Variants in KSR2 observed in about 807,000 individuals in gnomAD.
KSR2 encodes the protein kinase suppressor of ras 2.
A neutral mutation model predicts 107.8 loss-of-function variants in KSR2; 25 were observed. That is an observed-to-expected ratio of 0.23 (90% CI 0.17 to 0.32). The LOEUF is 0.32. Ranked by LOEUF, KSR2 falls within the 10% of genes least tolerant of loss-of-function variation. KSR2 has a pLI of 1.00. For synonymous variants in KSR2, 480 were observed against 507.0 expected, an observed-to-expected ratio of 0.95 and a Z score of 0.71; for missense variants, 887 against 1,268.9, an observed-to-expected ratio of 0.70 and a Z score of 4.57.
intron 14 of KSR2, among the ~76,000 whole-genome samples, chr12:117,491,324 T>C (rs552862306): frequency 6.6e-6 from 1 of 152,198 alleles, no homozygotes; most frequent in Admixed American, 6.5e-5. Context: ...GGATTACAGG[T>C]GCCTACCACC....
At chr12:117,916,269 C>T (rs1256216300) in intron 1 of KSR2, among the ~76,000 whole-genome samples, 1 of 151,126 alleles carries the variant, frequency 6.6e-6, no homozygotes, top group Non-Finnish European at 1.5e-5. Flanking sequence ...CTTGAGTAGC[C>T]GGGACCACAG....
chr12:117,501,028 T>C (rs937099948), intron 14 of KSR2, among the ~76,000 whole-genome samples: 4 of 152,242 alleles, frequency 2.6e-5, no homozygotes, highest in Non-Finnish European at 5.9e-5. Context: ...AGTTGCAAAC[T>C]ATGGCCCGCG....
At chr12:117,769,058 C>G (rs1889344519) in intron 3 of KSR2, among the ~76,000 whole-genome samples, 1 of 152,186 alleles carries the variant, frequency 6.6e-6, no homozygotes, top group Non-Finnish European at 1.5e-5. Context: ...CAGGGTCAGA[C>G]AGGCTGAGTC....
chr12:117,509,290 A>C (rs552873707), intron 14 of KSR2, among the ~76,000 whole-genome samples: 98 of 152,262 alleles, frequency 6.4e-4, no homozygotes, highest in Non-Finnish European at 1.2e-3. Flanking sequence ...CCCTCTTTGC[A>C]TTCAGCACCT....
chr12:117,503,775 G>GAT (rs1873519401), intron 14 of KSR2, among the ~76,000 whole-genome samples: 1 of 152,172 alleles, frequency 6.6e-6, no homozygotes, highest in Non-Finnish European at 1.5e-5. Context: ...ATGGTTGATT[G>GAT]ATAGACCCCA....
chr12:117,554,086 T>C (rs1412336596), intron 9 of KSR2, among the ~76,000 whole-genome samples: 1 of 152,160 alleles, frequency 6.6e-6, no homozygotes, highest in African/African-American at 2.4e-5. Flanking sequence ...GACATCTACC[T>C]TCGACATAAT....
intron 7 of KSR2, among the ~76,000 whole-genome samples, chr12:117,566,386 C>T (rs1050113945): frequency 2.6e-5 from 4 of 152,210 alleles, no homozygotes; most frequent in Admixed American, 1.3e-4. Context: ...TCCCAAAGTG[C>T]TGGGATTACA....
chr12:117,701,240 G>A (rs1565968884), intron 4 of KSR2, among the ~76,000 whole-genome samples: 1 of 152,124 alleles, frequency 6.6e-6, no homozygotes, highest in Non-Finnish European at 1.5e-5. Context: ...CTATGGGCAT[G>A]CACCACCACA....
In KSR2 at chr12:117,948,446, C is replaced by T. The variant is rs376882624; in HGVS notation, c.180+19630G>A. On this transcript the variant is annotated intron_variant, in intron 1 of 19. Coordinates refer to ENST00000339824, the MANE Select transcript of KSR2 (RefSeq NM_173598.6). ...CAGAGGTTGCAGTGAGCCCAGATCG[C>T]GCCATTGCACTCCAGGCAGGGTGAC... Among the ~76,000 whole-genome samples the T allele has an allele frequency of 1.1e-3, 165 of 150,800 alleles. 1 individual carries two copies. The highest frequency in any genetic ancestry group is 3.5e-3 in the African/African-American group (144 of 40,942).
intron 1 of KSR2, among the ~76,000 whole-genome samples, chr12:117,914,426 CA>C (rs34534591): frequency 0.46 from 48,501 of 106,094 alleles, 8,558 homozygotes; most frequent in East Asian, 0.59. Context: ...GAGACTGTCT[CA>C]AAAAAAAAAA....
chr12:117,736,323 T>C (rs1887935509), intron 4 of KSR2, among the ~76,000 whole-genome samples: 1 of 152,210 alleles, frequency 6.6e-6, no homozygotes, highest in African/African-American at 2.4e-5. Flanking sequence ...TCTCCTTTAG[T>C]ACTTCATAAA....
intron 5 of KSR2, among the ~76,000 whole-genome samples, chr12:117,601,117 A>G (rs61938968): frequency 0.036 from 5,489 of 152,228 alleles, 124 homozygotes; most frequent in Non-Finnish European, 0.052. Context: ...TGTCAGCTAT[A>G]AAACTTTGGG....
At chr12:117,867,969 TG>T (rs1893531490) in intron 1 of KSR2, among the ~76,000 whole-genome samples, 1 of 152,212 alleles carries the variant, frequency 6.6e-6, no homozygotes, top group South Asian at 2.1e-4. Context: ...AATTCTTTCT[TG>T]GGACTTTATA....
At chr12:117,745,135 G>C (rs1888360997) in intron 4 of KSR2, among the ~76,000 whole-genome samples, 1 of 152,030 alleles carries the variant, frequency 6.6e-6, no homozygotes, top group African/African-American at 2.4e-5. Flanking sequence ...CCTGGTTCCA[G>C]AGCCCCTGCC....
chr12:117,589,738 A>G (rs1398336172), intron 5 of KSR2, among the ~76,000 whole-genome samples: 1 of 152,236 alleles, frequency 6.6e-6, no homozygotes, highest in Non-Finnish European at 1.5e-5. Flanking sequence ...TATTTGCTTT[A>G]ATATCCAACT....
At chr12:117,767,257 C>CA (rs1203613217) in intron 3 of KSR2, among the ~76,000 whole-genome samples, 2,564 of 119,920 alleles carry the variant, frequency 0.021, 42 homozygotes, top group Admixed American at 0.056. Context: ...ACTAAAAATC[C>CA]AAAAAAAAAA....
chr12:117,615,429 C>T (rs1432512370), intron 5 of KSR2, among the ~76,000 whole-genome samples: 6 of 152,124 alleles, frequency 3.9e-5, no homozygotes, highest in Admixed American at 1.3e-4. Context: ...ACCTACCCAT[C>T]TCCAAGTCTT....
At chr12:117,640,976 A>G (rs192897264) in intron 5 of KSR2, among the ~76,000 whole-genome samples, 2 of 152,066 alleles carry the variant, frequency 1.3e-5, no homozygotes, top group East Asian at 1.9e-4. Context: ...GGCTGAAGAC[A>G]TGCCCCTGAT....
chr12:117,626,446 C>T (rs554506551), intron 5 of KSR2, among the ~76,000 whole-genome samples: 2 of 152,238 alleles, frequency 1.3e-5, no homozygotes, highest in South Asian at 4.2e-4. Context: ...TTATTTCTGC[C>T]TTCATTTTGT....
Sources: gnomAD v4.1 joint callset for allele counts (sites outside exome capture counted in the v4.1 genomes callset) on GRCh38, gnomAD v4.1.1 for gene constraint, MANE v1.5 for transcripts, NCBI Gene and HGNC (gene_info 2026-07-23, HGNC 2026-07-21) for gene names.